GNB1: variants seen among roughly 807,000 people sequenced by gnomAD.
GNB1 encodes G protein subunit beta 1, also known as guanine nucleotide-binding protein G(I)/G(S)/G(T) subunit beta-1.
GNB1 carries 2 observed loss-of-function variants against 42.9 expected under a neutral mutation model. That is an observed-to-expected ratio of 0.05 (90% CI 0.02 to 0.15). The LOEUF is 0.15. GNB1 is among the 10% of genes least tolerant of loss of function. The probability of loss-of-function intolerance (pLI) is 1.00; values close to 1 mark genes in which losing one functional copy is unlikely to be tolerated. For synonymous variants in GNB1, 183 were observed against 174.7 expected (o/e 1.05, Z -0.38); for missense variants, 193 against 462.2 (o/e 0.42, Z 5.34).
chr1:1,798,336 T>TC (rs896759730), intron 7 of GNB1, among the ~76,000 whole-genome samples: 11 of 152,134 alleles, frequency 7.2e-5, no homozygotes, highest in African/African-American at 2.7e-4. Context: ...ACAACATATA[T>TC]CCCCTTCTGT....
chr1:1,794,434 T>G (rs983801936), intron 7 of GNB1, among the ~76,000 whole-genome samples: 1 of 152,152 alleles, frequency 6.6e-6, no homozygotes, highest in Non-Finnish European at 1.5e-5. Context: ...CCAGTTAGTG[T>G]GTGCCCAGGA....
intron 1 of GNB1, among the ~76,000 whole-genome samples, chr1:1,883,278 C>CAAAAAA (rs70937202): frequency 1.3e-5 from 1 of 75,382 alleles, no homozygotes. Context: ...AACCCTGTCC[C>CAAAAAA]AAAAAAAAAA....
chr1:1,785,993 G>T lies in GNB1; in HGVS notation c.*1070C>A. 2.5e-6 allele frequency: 1 copy of T among 398,784 alleles called. No individual in the cohort carries two copies. The highest frequency in any genetic ancestry group is 4.4e-6 in the Non-Finnish European group (1 of 226,052). The allele number at this position is 398,784 out of a possible 1,614,324, so 24.7% of individuals were successfully genotyped here. ...AACACCTAAGGACTGAGTCCCATAT[G>T]CACTTTTGAGCATTTCTACAGCATG... On this transcript the variant is annotated 3_prime_UTR_variant, in exon 12 of 12. Coordinates refer to ENST00000378609, the MANE Select transcript of GNB1 (RefSeq NM_002074.5).
At chr1:1,820,108 A>G (rs1018597979) in intron 3 of GNB1, among the ~76,000 whole-genome samples, 1 of 152,116 alleles carries the variant, frequency 6.6e-6, no homozygotes, top group African/African-American at 2.4e-5. Flanking sequence ...TGTAATCCCA[A>G]CACCTCAGGC....
At chr1:1,861,176 G>A (rs1398653135) in intron 1 of GNB1, among the ~76,000 whole-genome samples, 1 of 150,404 alleles carries the variant, frequency 6.6e-6, no homozygotes, top group African/African-American at 2.4e-5. Flanking sequence ...ACCCAGCACA[G>A]CTGCGCACAG....
rs890766608 is a variant in GNB1 at position 1,874,561 on chromosome 1, T to C, written c.-96+16259A>G. Among the ~76,000 whole-genome samples, 12 of 126,774 alleles carry C rather than the reference T, an allele frequency of 9.5e-5. 1 individual carries two copies. In the East Asian group the frequency reaches 1.6e-3, roughly 17 times the overall value. 83.2% of individuals were successfully genotyped at this position (126,774 alleles called of 152,430 possible). ...GGCAGAGGTTGCAGTGAGACGAGAC[T>C]GCACCACTGCACTCCAGCCTGGGAA... On this transcript the variant is annotated intron_variant, in intron 1 of 11. Coordinates refer to ENST00000378609, the MANE Select transcript of GNB1 (RefSeq NM_002074.5).
At chr1:1,854,711 A>C (rs1648169674) in intron 1 of GNB1, among the ~76,000 whole-genome samples, 2 of 152,202 alleles carry the variant, frequency 1.3e-5, no homozygotes, top group African/African-American at 4.8e-5. Flanking sequence ...GTTGGAGGCC[A>C]GACTGGATAA....
At chr1:1,800,061 G>A (rs1646603579) in intron 7 of GNB1, among the ~76,000 whole-genome samples, 1 of 152,214 alleles carries the variant, frequency 6.6e-6, no homozygotes, top group Non-Finnish European at 1.5e-5. Context: ...CTAAACATCA[G>A]TTAGTTCTGG....
intron 3 of GNB1, among the ~76,000 whole-genome samples, chr1:1,820,434 T>C (rs919321125): frequency 2.0e-5 from 3 of 150,882 alleles, no homozygotes; most frequent in Non-Finnish European, 1.5e-5. Context: ...TCCAAATTCA[T>C]CTTTAGTTAA....
chr1:1,836,103 A>C (rs1486770337), intron 2 of GNB1, among the ~76,000 whole-genome samples: 5 of 151,692 alleles, frequency 3.3e-5, no homozygotes, highest in African/African-American at 1.2e-4. Flanking sequence ...AAAACAAAAA[A>C]CAAACTCAAA....
chr1:1,877,133 T>C (rs568714049), intron 1 of GNB1, among the ~76,000 whole-genome samples: 1 of 151,952 alleles, frequency 6.6e-6, no homozygotes, highest in African/African-American at 2.4e-5. Flanking sequence ...AAACCCCGTC[T>C]CTACTAAAAA....
chr1:1,793,231 G>A lies in GNB1; in HGVS notation c.497+14C>T. The A allele has an allele frequency of 6.3e-7, 1 of 1,594,712 alleles. No homozygotes were observed. Among genetic ancestry groups the A allele is most frequent in the Non-Finnish European group, 8.6e-7 (1 of 1,163,330 alleles). On this transcript the variant is annotated intron_variant, in intron 8 of 11. Coordinates refer to ENST00000378609, the MANE Select transcript of GNB1 (RefSeq NM_002074.5). ...GGTTCTCAAGGCACTGCCTGCCCCG[G>A]GTCAGGTACTTACCACGTGGTGTCT... is the stretch of plus-strand genomic sequence containing the variant.
rs570954469 is a variant in GNB1, at chr1:1,870,902, G to A, written c.-96+19918C>T. Among the ~76,000 whole-genome samples, 21 of 152,190 alleles carry A rather than the reference G, an allele frequency of 1.4e-4. No homozygotes were observed. The East Asian group carries it at 2.9e-3, about 21-fold the overall frequency. On this transcript the variant is annotated intron_variant, in intron 1 of 11. Transcript: ENST00000378609. ...GCCAAGATTTCACCACTGCACTCCA[G>A]CCTGGGCGACAGAGACTCCATCTCA...
intron 1 of GNB1, among the ~76,000 whole-genome samples, chr1:1,862,497 C>T (rs1376856803): frequency 2.0e-5 from 3 of 151,362 alleles, no homozygotes; most frequent in East Asian, 1.9e-4. Context: ...GACAGGGTCT[C>T]GTTCAGTTGC....
At chr1:1,851,000 T>C (rs1014879917) in intron 1 of GNB1, among the ~76,000 whole-genome samples, 34 of 152,086 alleles carry the variant, frequency 2.2e-4, no homozygotes, top group Non-Finnish European at 4.0e-4. Flanking sequence ...CCAGGCGCGG[T>C]GGCTTACGCC....
chr1:1,808,871 T>C (rs992860002), intron 5 of GNB1, among the ~76,000 whole-genome samples: 14 of 152,036 alleles, frequency 9.2e-5, no homozygotes, highest in African/African-American at 3.4e-4. Flanking sequence ...CTCCAACTCC[T>C]GGCCTCAAGT....
chr1:1,864,313 T>TCAAAAAAAAAAA (rs1648792459), intron 1 of GNB1, among the ~76,000 whole-genome samples: 1 of 5,764 alleles, frequency 1.7e-4, no homozygotes, highest in Non-Finnish European at 9.9e-4. Flanking sequence ...CAAGACTCTC[T>TCAAAAAAAAAAA]CAAAAAAAAA....
chr1:1,868,472 G>C (rs1649065631), intron 1 of GNB1, among the ~76,000 whole-genome samples: 1 of 152,140 alleles, frequency 6.6e-6, no homozygotes, highest in Non-Finnish European at 1.5e-5. Context: ...GCCTGGCCAT[G>C]TTTTCCCGTT....
chr1:1,811,663 T>G (rs1213963554), intron 5 of GNB1, among the ~76,000 whole-genome samples: 1 of 151,350 alleles, frequency 6.6e-6, no homozygotes. Context: ...ACCATTGCAC[T>G]CTAGCCTGGG....
Sources: gnomAD v4.1 joint callset for allele counts (sites outside exome capture counted in the v4.1 genomes callset) on GRCh38, gnomAD v4.1.1 for gene constraint, MANE v1.5 for transcripts, NCBI Gene and HGNC (gene_info 2026-07-23, HGNC 2026-07-21) for gene names.